The following USP34 variants were observed in gnomAD, a reference collection of about 807,000 sequenced individuals.
USP34 encodes ubiquitin specific peptidase 34.
A neutral mutation model predicts 460.3 loss-of-function variants in USP34; 70 were observed. That is an observed-to-expected ratio of 0.15 (90% confidence interval 0.13 to 0.19). The LOEUF is 0.19. Ranked by LOEUF, USP34 falls within the 10% of genes least tolerant of loss-of-function variation. USP34 has a pLI of 1.00. For synonymous variants in USP34, 1,647 were observed against 1,405.3 expected, an observed-to-expected ratio of 1.17 and a Z score of -3.85; for missense variants, 3,985 against 4,236.2, an observed-to-expected ratio of 0.94 and a Z score of 1.65.
At chr2:61,372,654 G>C (rs1692663619) in intron 8 of USP34, among the ~76,000 whole-genome samples, 1 of 152,132 alleles carries the variant, frequency 6.6e-6, no homozygotes, top group Non-Finnish European at 1.5e-5. Flanking sequence ...GCTGTAGTAA[G>C]GCATAATCGT....
intron 62 of USP34, 194 bp from the exon 63 acceptor site, chr2:61,223,490 G>C: frequency 1.8e-6 from 1 of 571,060 alleles, no homozygotes; most frequent in South Asian, 2.3e-5. Context: ...ATTGGTAAAT[G>C]AAAGCCCAAA....
At chr2:61,374,705 G>A (rs1558557272) in intron 8 of USP34, among the ~76,000 whole-genome samples, 1 of 151,840 alleles carries the variant, frequency 6.6e-6, no homozygotes, top group Non-Finnish European at 1.5e-5. Flanking sequence ...CACCTCTCAG[G>A]TTCAAGTGAT....
At chr2:61,378,912 C>CA (rs1491197501) in intron 7 of USP34, among the ~76,000 whole-genome samples, 97 of 8,628 alleles carry the variant, frequency 0.011, 1 homozygote, top group Non-Finnish European at 0.012. Flanking sequence ...CTCAAAAAAA[C>CA]GAAAAAAAAA....
intron 1 of USP34, among the ~76,000 whole-genome samples, chr2:61,433,192 G>A (rs1194214587): frequency 6.6e-6 from 1 of 152,188 alleles, no homozygotes; most frequent in African/African-American, 2.4e-5. Context: ...AAGGCAGTAT[G>A]GAAGCATCCA....
intron 3 of USP34, among the ~76,000 whole-genome samples, chr2:61,399,647 C>T (rs866954540): frequency 3.3e-5 from 5 of 151,718 alleles, no homozygotes; most frequent in African/African-American, 4.8e-5. Context: ...CTGAGGCAGA[C>T]GGATCACGAG....
chr2:61,318,720 CCCACAATCTACA>C (rs1392053176), intron 22 of USP34, among the ~76,000 whole-genome samples: 3 of 150,020 alleles, frequency 2.0e-5, no homozygotes, highest in African/African-American at 7.4e-5. Flanking sequence ...AATATGCCTT[CCCACAATCTACA>C]CATCTGGAGA....
chr2:61,371,421 C>A (rs1692621718), intron 8 of USP34, among the ~76,000 whole-genome samples: 1 of 145,086 alleles, frequency 6.9e-6, no homozygotes. Flanking sequence ...GAGATGACAG[C>A]TCCATGTGTA....
chr2:61,318,282 T>G (rs558243062), intron 22 of USP34, among the ~76,000 whole-genome samples: 1 of 152,156 alleles, frequency 6.6e-6, no homozygotes, highest in Admixed American at 6.5e-5. Context: ...GGCTTCAATT[T>G]TGAAGATGTA....
intron 29 of USP34, among the ~76,000 whole-genome samples, chr2:61,298,572 A>AAAAAAAAAAAAAAAAAAAAAC (rs1690115222): frequency 7.7e-6 from 1 of 130,154 alleles, no homozygotes; most frequent in Non-Finnish European, 1.7e-5. Context: ...AAAAAAAAAA[A>AAAAAAAAAAAAAAAAAAAAAC]TCTGCTGAAA....
Position 61,350,285 on chromosome 2 carries a change from A to T in USP34, c.1482T>A (p.Thr494=), listed in dbSNP as rs747580981. 6.2e-7 allele frequency: 1 copy of T among 1,610,004 alleles called. No individual in the cohort carries two copies. Among genetic ancestry groups the T allele is most frequent in the South Asian group, 1.1e-5 (1 of 90,112 alleles). The part of the protein sequence containing the change: ...KQSSFASLLN[T]NIPIGNKKEE... ...CTTTCTTATTTCCAATGGGAATATT[A>T]GTATTTAATAAAGATGCAAAAGAAC... Residue 494 remains threonine (T), a synonymous_variant, in exon 12 of 80, where the codon ACT becomes ACA. Coordinates refer to ENST00000398571, the MANE Select transcript of USP34 (RefSeq NM_014709.4).
chr2:61,436,574 G>A (rs1694819393), intron 1 of USP34, among the ~76,000 whole-genome samples: 1 of 152,126 alleles, frequency 6.6e-6, no homozygotes, highest in African/African-American at 2.4e-5. Flanking sequence ...AGATCTAACG[G>A]GAGAGACAGA....
intron 1 of USP34, among the ~76,000 whole-genome samples, chr2:61,464,963 C>T (rs920292884): frequency 6.6e-6 from 1 of 151,932 alleles, no homozygotes; most frequent in African/African-American, 2.4e-5. Context: ...AGCAGAGGAA[C>T]AGAAATTTAA....
At chr2:61,237,357 C>T (rs916506745) in intron 53 of USP34, among the ~76,000 whole-genome samples, 1 of 152,010 alleles carries the variant, frequency 6.6e-6, no homozygotes, top group Non-Finnish European at 1.5e-5. Flanking sequence ...GATTCTGTGT[C>T]ACAATTTTTG....
intron 22 of USP34, among the ~76,000 whole-genome samples, chr2:61,318,007 A>AC: frequency 6.6e-6 from 1 of 152,062 alleles, no homozygotes; most frequent in Non-Finnish European, 1.5e-5. Context: ...AGCCTGGGCA[A>AC]CATGGCGAAA....
At chr2:61,283,543 T>C in intron 35 of USP34, 94 bp from the exon 36 acceptor site, 3 of 1,355,848 alleles carry the variant, frequency 2.2e-6, no homozygotes, top group Middle Eastern at 2.7e-4. Context: ...GGTTATCACT[T>C]CCCCCCCAAA....
intron 18 of USP34, among the ~76,000 whole-genome samples, chr2:61,336,588 T>A (rs1201127485): frequency 6.7e-6 from 1 of 150,270 alleles, no homozygotes; most frequent in Non-Finnish European, 1.5e-5. Flanking sequence ...GGCAAGCAGA[T>A]CACTTGAGGT....
At chr2:61,331,109 G>C (rs1231255368) in intron 20 of USP34, among the ~76,000 whole-genome samples, 167 bp downstream of exon 20, 1 of 151,986 alleles carries the variant, frequency 6.6e-6, no homozygotes, top group African/African-American at 2.4e-5. Flanking sequence ...AACCTCCTAA[G>C]AATCTTTCAG....
chr2:61,332,460 G>A (rs1691299525), intron 19 of USP34, among the ~76,000 whole-genome samples: 1 of 151,918 alleles, frequency 6.6e-6, no homozygotes. Context: ...AGCTAAAAGA[G>A]TTTCAACTCA....
At chr2:61,452,313 C>T (rs1406257417) in intron 1 of USP34, among the ~76,000 whole-genome samples, 4 of 148,234 alleles carry the variant, frequency 2.7e-5, no homozygotes, top group South Asian at 2.1e-4. Context: ...CTATAATTCC[C>T]GGCACTTTTT....
Sources: gnomAD v4.1 joint callset for allele counts (sites outside exome capture counted in the v4.1 genomes callset) on GRCh38, gnomAD v4.1.1 for gene constraint, MANE v1.5 for transcripts, NCBI Gene and HGNC (gene_info 2026-07-23, HGNC 2026-07-21) for gene names.